The following CDH4 variants were observed in gnomAD, a reference collection of about 807,000 sequenced individuals.
CDH4 encodes the protein cadherin-4.
CDH4 carries 33 observed loss-of-function variants against 86.0 expected under a neutral mutation model. The ratio of observed to expected loss-of-function variants is 0.38; its 90% CI spans 0.29 to 0.51. The LOEUF (loss-of-function observed/expected upper bound fraction) is 0.51. Among genes scored for constraint, CDH4 ranks in the 20% least tolerant of loss-of-function variants. The pLI is 0.86. For missense variants in CDH4, 1,114 were observed against 1,307.4 expected, an observed-to-expected ratio of 0.85 and a Z score of 2.28; for synonymous variants, 555 against 549.4, an observed-to-expected ratio of 1.01 and a Z score of -0.14.
intron 2 of CDH4, among the ~76,000 whole-genome samples, chr20:61,374,611 C>T (rs1304123543): frequency 1.3e-5 from 2 of 152,160 alleles, no homozygotes; most frequent in Admixed American, 6.6e-5. Context: ...GTTCTAAGCA[C>T]CCCCCAACCA....
intron 3 of CDH4, among the ~76,000 whole-genome samples, chr20:61,762,156 C>A (rs562378526): frequency 3.3e-5 from 5 of 152,344 alleles, no homozygotes; most frequent in African/African-American, 9.6e-5. Flanking sequence ...CAGAGTAAGA[C>A]CGTTTCGTAG....
intron 2 of CDH4, among the ~76,000 whole-genome samples, chr20:61,476,003 A>G (rs1232615221): frequency 6.6e-6 from 1 of 152,088 alleles, no homozygotes. Flanking sequence ...CTAGAACACC[A>G]GAAGAGATCT....
intron 2 of CDH4, among the ~76,000 whole-genome samples, chr20:61,451,631 A>G (rs931096445): frequency 1.3e-5 from 2 of 151,924 alleles, no homozygotes; most frequent in Non-Finnish European, 2.9e-5. Flanking sequence ...GGACATACCT[A>G]GGAGAGCTGG....
intron 6 of CDH4, among the ~76,000 whole-genome samples, chr20:61,855,837 T>C (rs73915113): frequency 0.15 from 23,034 of 152,248 alleles, 1,915 homozygotes; most frequent in East Asian, 0.3. Context: ...CTTCCCACCA[T>C]TCCTGAGCTT....
intron 2 of CDH4, among the ~76,000 whole-genome samples, chr20:61,388,792 TAAC>T (rs2084965806): frequency 6.6e-6 from 1 of 152,228 alleles, no homozygotes. Flanking sequence ...TTTTTTCATT[TAAC>T]AACATCTCTT....
At chr20:61,371,642 C>G (rs2084841091) in intron 2 of CDH4, among the ~76,000 whole-genome samples, 1 of 152,190 alleles carries the variant, frequency 6.6e-6, no homozygotes, top group Non-Finnish European at 1.5e-5. Context: ...GCCCCGAGCC[C>G]CTACCAAGGC....
intron 2 of CDH4, among the ~76,000 whole-genome samples, chr20:61,698,654 C>G (rs1167521073): frequency 6.6e-6 from 1 of 152,248 alleles, no homozygotes; most frequent in Non-Finnish European, 1.5e-5. Context: ...AGCCTTGGTG[C>G]TGCCGACATG....
At chr20:61,523,186 C>T (rs911852317) in intron 2 of CDH4, among the ~76,000 whole-genome samples, 5 of 152,228 alleles carry the variant, frequency 3.3e-5, no homozygotes, top group East Asian at 1.9e-4. Flanking sequence ...CATGCCAGAA[C>T]GGTGCCTCAG....
chr20:61,549,067 C>T (rs1407959928), intron 2 of CDH4, among the ~76,000 whole-genome samples: 3 of 152,094 alleles, frequency 2.0e-5, no homozygotes, highest in Non-Finnish European at 2.9e-5. Context: ...TAAGCAGTGT[C>T]ATTCTGTGTC....
At chr20:61,334,124 G>C (rs1258041773) in intron 2 of CDH4, among the ~76,000 whole-genome samples, 1 of 152,174 alleles carries the variant, frequency 6.6e-6, no homozygotes, top group East Asian at 1.9e-4. Flanking sequence ...ACCACAGTAA[G>C]CCTCTGGGCC....
chr20:61,860,826 A>G (rs1488918239), intron 6 of CDH4, among the ~76,000 whole-genome samples: 1 of 152,100 alleles, frequency 6.6e-6, no homozygotes, highest in Non-Finnish European at 1.5e-5. Context: ...CTCCTCCTGC[A>G]GGATCCTGGC....
chr20:61,726,052 A>G (rs1568780050), intron 2 of CDH4, among the ~76,000 whole-genome samples: 2 of 152,092 alleles, frequency 1.3e-5, no homozygotes, highest in Admixed American at 6.5e-5. Flanking sequence ...GGGAGCTTTC[A>G]GAGACGACAG....
chr20:61,722,685 G>A (rs562496749), intron 2 of CDH4, among the ~76,000 whole-genome samples: 19 of 136,074 alleles, frequency 1.4e-4, no homozygotes, highest in African/African-American at 4.4e-4. Flanking sequence ...CCAGCATCAC[G>A]CTCTGCTCTT....
At chr20:61,653,522 G>A (rs1271596494) in intron 2 of CDH4, among the ~76,000 whole-genome samples, 1 of 144,196 alleles carries the variant, frequency 6.9e-6, no homozygotes. Flanking sequence ...GCCGGGCAGA[G>A]GCGCCCCTCA....
chr20:61,420,861 G>C (rs1054445797), intron 2 of CDH4, among the ~76,000 whole-genome samples: 4 of 151,930 alleles, frequency 2.6e-5, no homozygotes, highest in Admixed American at 1.3e-4. Flanking sequence ...AGGTGTCCAC[G>C]CACAGTGCAC....
intron 2 of CDH4, among the ~76,000 whole-genome samples, chr20:61,546,166 GCCTGTGT>G (rs2086083815): frequency 7.0e-6 from 1 of 142,484 alleles, no homozygotes; most frequent in Non-Finnish European, 1.5e-5. Context: ...GAGGGTGTGT[GCCTGTGT>G]GTGGGGGTAT....
At chr20:61,273,077 T>G (rs1452923231) in intron 2 of CDH4, among the ~76,000 whole-genome samples, 1 of 71,844 alleles carries the variant, frequency 1.4e-5, no homozygotes, top group Non-Finnish European at 2.5e-5. Context: ...ATGTGCAGTT[T>G]GGGGGAGTAT....
intron 2 of CDH4, among the ~76,000 whole-genome samples, chr20:61,534,965 A>G (rs60804618): frequency 0.11 from 14,893 of 135,570 alleles, 1,913 homozygotes; most frequent in East Asian, 0.42. Flanking sequence ...CTCATCCTGG[A>G]TCCATTCAGA....
At chr20:61,458,709 G>A (rs1442956263) in intron 2 of CDH4, among the ~76,000 whole-genome samples, 1 of 151,984 alleles carries the variant, frequency 6.6e-6, no homozygotes. Flanking sequence ...TGTAGTGGGG[G>A]TGATGAAGAC....
Sources: allele counts gnomAD v4.1 joint callset (sites outside exome capture counted in the v4.1 genomes callset), GRCh38; gene constraint gnomAD v4.1.1; transcripts MANE v1.5; gene names NCBI Gene and HGNC (gene_info 2026-07-23, HGNC 2026-07-21).